The following ZNF439 variants were observed in gnomAD, a reference collection of about 807,000 sequenced individuals.
ZNF439 encodes the protein zinc finger protein 439.
In ZNF439, 40 loss-of-function variants were observed where a neutral mutation model predicts 47.3. The observed-to-expected ratio is 0.85, with a 90% CI of 0.66 to 1.10. ZNF439 has a LOEUF of 1.10. ZNF439 is among the 50% of genes least tolerant of loss of function. The probability of loss-of-function intolerance (pLI) is 0.00; values close to 1 mark genes in which losing one functional copy is unlikely to be tolerated. For synonymous variants in ZNF439, 171 were observed against 198.8 expected, an observed-to-expected ratio of 0.86 and a Z score of 1.18; for missense variants, 556 against 601.1, an observed-to-expected ratio of 0.93 and a Z score of 0.78.
intron 1 of ZNF439, among the ~76,000 whole-genome samples, chr19:11,861,489 G>A (rs982121492): frequency 6.6e-6 from 1 of 152,116 alleles, no homozygotes; most frequent in Non-Finnish European, 1.5e-5. Flanking sequence ...CCTTATGGTG[G>A]CAGAGATGCC....
At position 11,853,453 on chromosome 19, in the gene ZNF439, G is replaced by C. The variant is rs544163528; in HGVS notation, c.63+4523G>C. 2.2e-3 allele frequency among the ~76,000 whole-genome samples: 340 copies of C among 152,284 alleles called. 2 individuals carry two copies. Among genetic ancestry groups the C allele is most frequent in the African/African-American group, 7.3e-3 (302 of 41,544 alleles). On this transcript the variant is annotated intron_variant, in intron 1 of 3. Transcript: ENST00000682736. Reference sequence around the variant, plus strand: ...TGAGTAAAGGGGATAGAGAGAAGCGGGTGGTTGTAGGTCAGCTACTTGATT... The same window carrying C: ...TGAGTAAAGGGGATAGAGAGAAGCGCGTGGTTGTAGGTCAGCTACTTGATT...
At chr19:11,853,411 G>C (rs1407032060) in intron 1 of ZNF439, among the ~76,000 whole-genome samples, 2 of 152,168 alleles carry the variant, frequency 1.3e-5, no homozygotes, top group Non-Finnish European at 2.9e-5. Flanking sequence ...CGAGCTTCTA[G>C]CACCCTTCAT....
chr19:11,866,427 ACTTTGATGAATAAAT>A, intron 2 of ZNF439, 95 bp from the exon 3 acceptor site: 1 of 1,604,078 alleles, frequency 6.2e-7, no homozygotes, highest in South Asian at 1.1e-5. Flanking sequence ...GACAGGAAAT[ACTTTGATGAATAAAT>A]GAGGCATGGC....
At chr19:11,864,923 G>T (rs1040192383) in intron 1 of ZNF439, among the ~76,000 whole-genome samples, 1 of 151,950 alleles carries the variant, frequency 6.6e-6, no homozygotes, top group African/African-American at 2.4e-5. Flanking sequence ...TGGGATTACA[G>T]GCATGCGCCA....
At chr19:11,853,724 T>C (rs76928597) in intron 1 of ZNF439, among the ~76,000 whole-genome samples, 2,641 of 152,330 alleles carry the variant, frequency 0.017, 75 homozygotes, top group African/African-American at 0.058. Context: ...TCTCCCTTTC[T>C]GTTTATGCAT....
In ZNF439 at chr19:11,868,648, C is replaced by T. The variant is rs1276325121; in HGVS notation, c.*79C>T. 7.0e-7 allele frequency: 1 copy of T among 1,426,308 alleles called. No individual in the cohort carries two copies. Among genetic ancestry groups the T allele is most frequent in the Non-Finnish European group, 9.7e-7 (1 of 1,033,590 alleles). The allele number at this position is 1,426,308 out of a possible 1,614,324, so 88.4% of individuals were successfully genotyped here. On this transcript the variant is annotated 3_prime_UTR_variant, in exon 4 of 4. Coordinates refer to ENST00000682736, the MANE Select transcript of ZNF439 (RefSeq NM_001348719.2). Reference sequence around the variant, plus strand: ...AAAAAATTCACACTGGAGAGAAACCCTATAAATGCAAGCAATGTGGTAAAG... The same window carrying T: ...AAAAAATTCACACTGGAGAGAAACCTTATAAATGCAAGCAATGTGGTAAAG...
Position 11,868,191 on chromosome 19 carries a change from A to C in ZNF439, c.1137A>C (p.Lys379Asn). Residue 379 changes from lysine to asparagine, a missense_variant, in exon 4 of 4, where the codon AAA becomes AAC. Physicochemically the swap from Lys to Asn is moderately conservative, Grantham distance 94. Coordinates refer to ENST00000682736, the MANE Select transcript of ZNF439 (RefSeq NM_001348719.2). Reference sequence around the variant, plus strand: ...CCAAGTCATTTCAAAGACATGAAAAAACTCACAGTGGAGAGAAACCGTATA... The same window carrying C: ...CCAAGTCATTTCAAAGACATGAAAACACTCACAGTGGAGAGAAACCGTATA... ...YSAKSFQRHE[K>N]THSGEKPYKC... 1 of 1,613,912 alleles carries C rather than the reference A, an allele frequency of 6.2e-7. No homozygotes were observed. The highest frequency in any genetic ancestry group is 8.5e-7 in the Non-Finnish European group (1 of 1,179,976).
chr19:11,858,660 G>A (rs374318001), intron 1 of ZNF439, among the ~76,000 whole-genome samples: 1 of 152,050 alleles, frequency 6.6e-6, no homozygotes, highest in Non-Finnish European at 1.5e-5. Flanking sequence ...GTGGCTAACC[G>A]ACTCCTCTTT....
At chr19:11,859,224 G>A (rs886947375) in intron 1 of ZNF439, among the ~76,000 whole-genome samples, 36 of 152,318 alleles carry the variant, frequency 2.4e-4, no homozygotes, top group Middle Eastern at 3.4e-3. Context: ...CAACCCTTGC[G>A]TGATATGTAA....
At chr19:11,857,870 A>G (rs1458455780) in intron 1 of ZNF439, 1 of 152,208 alleles carries the variant, frequency 6.6e-6, no homozygotes, top group Non-Finnish European at 1.5e-5. Flanking sequence ...CTCTGGACCA[A>G]TTTTGAGATT....
intron 1 of ZNF439, among the ~76,000 whole-genome samples, chr19:11,855,630 T>C (rs1568254599): frequency 1.3e-5 from 2 of 152,112 alleles, no homozygotes; most frequent in African/African-American, 4.8e-5. Flanking sequence ...CATGATAGAT[T>C]TCAGAAAGAG....
intron 1 of ZNF439, among the ~76,000 whole-genome samples, chr19:11,865,708 A>G (rs915617989): frequency 9.3e-5 from 9 of 96,682 alleles, no homozygotes; most frequent in Non-Finnish European, 1.7e-4. Context: ...GCGATACACT[A>G]TCACAAAAAA....
In ZNF439 at chr19:11,868,685, C is replaced by A; in HGVS notation, c.*116C>A. 1 of 1,180,826 alleles carries A rather than the reference C, an allele frequency of 8.5e-7. No homozygotes were observed. Among genetic ancestry groups the A allele is most frequent in the Non-Finnish European group, 1.2e-6 (1 of 818,866 alleles). The allele number at this position is 1,180,826 out of a possible 1,614,324, so 73.1% of individuals were successfully genotyped here. On this transcript the variant is annotated 3_prime_UTR_variant, in exon 4 of 4. Coordinates refer to ENST00000682736, the MANE Select transcript of ZNF439 (RefSeq NM_001348719.2). ...GCAATGTGGTAAAGCCTTAATTGTTCCAGTTCCTTTCGATATCTAAAAGGA... is the reference window on the plus strand; with the variant it reads ...GCAATGTGGTAAAGCCTTAATTGTTACAGTTCCTTTCGATATCTAAAAGGA...
At chr19:11,861,448 G>A (rs528439365) in intron 1 of ZNF439, among the ~76,000 whole-genome samples, 1 of 152,260 alleles carries the variant, frequency 6.6e-6, no homozygotes, top group East Asian at 1.9e-4. Flanking sequence ...GTGCCTAGGG[G>A]AGTGGGGCCT....
At chr19:11,853,843 A>G (rs977795242) in intron 1 of ZNF439, among the ~76,000 whole-genome samples, 2 of 152,216 alleles carry the variant, frequency 1.3e-5, no homozygotes, top group African/African-American at 4.8e-5. Flanking sequence ...ACATCATTCC[A>G]ATAACTATAT....
At position 11,868,137 on chromosome 19, in the gene ZNF439, T is replaced by A; in HGVS notation, c.1083T>A (p.Cys361Ter). Residue 361 changes from cysteine (C) to a stop codon, truncating the protein, a stop_gained, in exon 4 of 4, where the codon TGT (cysteine) becomes TGA (stop). Transcript: ENST00000682736. LOFTEE classifies it high-confidence loss of function. ...ACTCTGGAGAAAGACCTTATGAATG[T>A]AAGACATGTGGGAAAGGCTTTTATT... ...RMHSGERPYE[C>*]KTCGKGFYSA... The A allele has an allele frequency of 1.2e-6, 2 of 1,614,166 alleles. No individual in the cohort carries two copies. The highest frequency in any genetic ancestry group is 4.5e-5 in the East Asian group (2 of 44,882).
intron 1 of ZNF439, among the ~76,000 whole-genome samples, chr19:11,851,383 T>G (rs974873614): frequency 6.6e-6 from 1 of 152,200 alleles, no homozygotes; most frequent in Admixed American, 6.5e-5. Context: ...GCACATATTA[T>G]GGGTATTGGG....
chr19:11,867,591 AAC>A lies in ZNF439; in HGVS notation c.541_542del (p.Gln181ArgfsTer13), dbSNP rs1365532864. The A allele has an allele frequency of 6.2e-7, 1 of 1,614,070 alleles. No homozygotes were observed. Among genetic ancestry groups the A allele is most frequent in the Non-Finnish European group, 8.5e-7 (1 of 1,180,044 alleles). On this transcript the variant is annotated frameshift_variant, in exon 4 of 4. Coordinates refer to ENST00000682736, the MANE Select transcript of ZNF439 (RefSeq NM_001348719.2). LOFTEE classifies it high-confidence loss of function. The part of the protein sequence containing the change: ...KAFRYHPSLR[T>X]QERDHTGKKP... Reference sequence around the variant, plus strand: ...CCTTCAGATATCACCCCTCCTTGAGAACACAAGAAAGGGATCACACTGGAAAG... The same window carrying A: ...CCTTCAGATATCACCCCTCCTTGAGAACAAGAAAGGGATCACACTGGAAAG...
intron 1 of ZNF439, among the ~76,000 whole-genome samples, chr19:11,863,926 G>C (rs1976606018): frequency 6.6e-6 from 1 of 152,158 alleles, no homozygotes; most frequent in African/African-American, 2.4e-5. Flanking sequence ...GTCTCACTAT[G>C]TTGCCCAGGC....
Sources: allele counts gnomAD v4.1 joint callset (sites outside exome capture counted in the v4.1 genomes callset), GRCh38; gene constraint gnomAD v4.1.1; transcripts MANE v1.5; gene names NCBI Gene and HGNC (gene_info 2026-07-23, HGNC 2026-07-21).